Variants in USP32 observed in about 807,000 individuals in gnomAD.
USP32 encodes the protein ubiquitin specific peptidase 32, also known as ubiquitin carboxyl-terminal hydrolase 32.
USP32 carries 59 observed loss-of-function variants against 204.8 expected under a neutral mutation model. That is an observed-to-expected ratio of 0.29 (90% CI 0.23 to 0.36). The LOEUF is 0.36. Ranked by LOEUF, USP32 falls within the 10% of genes least tolerant of loss-of-function variation. The pLI, the probability that USP32 is intolerant of heterozygous loss-of-function variation, is 1.00. For missense variants in USP32, 1,160 were observed against 1,946.4 expected, an observed-to-expected ratio of 0.60 and a Z score of 7.60; for synonymous variants, 517 against 678.4, an observed-to-expected ratio of 0.76 and a Z score of 3.70.
chr17:60,390,603 C>A (rs1345166449), intron 1 of USP32, among the ~76,000 whole-genome samples: 1 of 152,222 alleles, frequency 6.6e-6, no homozygotes, highest in African/African-American at 2.4e-5. Context: ...ACCACCAATA[C>A]ATCTCAATTC....
chr17:60,289,215 A>C (rs1039170072), intron 4 of USP32, among the ~76,000 whole-genome samples: 2 of 152,146 alleles, frequency 1.3e-5, no homozygotes, highest in African/African-American at 4.8e-5. Context: ...TCACCGTGTT[A>C]GCCAGGATGG....
At chr17:60,349,658 T>G (rs1373312757) in intron 1 of USP32, among the ~76,000 whole-genome samples, 1 of 108,986 alleles carries the variant, frequency 9.2e-6, no homozygotes, top group South Asian at 2.4e-4. Context: ...TATATACATA[T>G]ATATACACAT....
intron 1 of USP32, among the ~76,000 whole-genome samples, chr17:60,407,777 G>A (rs1423622268): frequency 5.6e-5 from 5 of 89,256 alleles, no homozygotes; most frequent in South Asian, 8.0e-4. Context: ...GCAAGCCTCT[G>A]TCTCAAAAAA....
chr17:60,207,085 A>C lies in USP32; in HGVS notation c.2973T>G (p.Phe991Leu). ...GGACAGGAATTTCAAATGCACACAAAAATCCACTCACTGAGAGTCGTACTT... is the reference window on the plus strand; with the variant it reads ...GGACAGGAATTTCAAATGCACACAACAATCCACTCACTGAGAGTCGTACTT... Reference protein sequence around the residue: ...NQKVRLSVSGFLCAFEIPVPV... With the variant: ...NQKVRLSVSGLLCAFEIPVPV... The change falls in exon 25 of 34, where the codon TTT becomes TTG. Residue 991 changes from phenylalanine to leucine, a missense_variant. By Grantham distance (22) the Phe-to-Leu change is conservative. This residue lies in a region of USP32 where 47 missense variants were observed against 71.1 expected (regional missense o/e 0.66). Coordinates refer to ENST00000300896, the MANE Select transcript of USP32 (RefSeq NM_032582.4). 6.2e-7 allele frequency: 1 copy of C among 1,613,348 alleles called. No homozygotes were observed.
At chr17:60,192,478 CGGCTGGAGTGCAGT>C (rs1346654296) in intron 28 of USP32, among the ~76,000 whole-genome samples, 2 of 151,880 alleles carry the variant, frequency 1.3e-5, no homozygotes, top group African/African-American at 4.8e-5. Context: ...TCTTGTTGCC[CGGCTGGAGTGCAGT>C]GGCATGACCT....
chr17:60,247,854 T>C (rs1386533140), intron 11 of USP32, among the ~76,000 whole-genome samples: 1 of 152,074 alleles, frequency 6.6e-6, no homozygotes, highest in Non-Finnish European at 1.5e-5. Context: ...TGGATAATTG[T>C]TTTGTATTTT....
intron 2 of USP32, among the ~76,000 whole-genome samples, chr17:60,343,860 C>T (rs1204388165): frequency 2.0e-5 from 3 of 151,964 alleles, no homozygotes; most frequent in African/African-American, 4.8e-5. Flanking sequence ...GGTGAAACCT[C>T]GTCTCTACTA....
At chr17:60,222,360 C>G (rs760753437) in intron 15 of USP32, 49 bp downstream of exon 15, 14 of 1,574,818 alleles carry the variant, frequency 8.9e-6, no homozygotes, top group Non-Finnish European at 1.2e-5. Flanking sequence ...TAACAGAAGA[C>G]CCCCATCTAT....
At chr17:60,188,787 T>A (rs111794547) in intron 29 of USP32, among the ~76,000 whole-genome samples, 135 of 152,358 alleles carry the variant, frequency 8.9e-4, no homozygotes, top group African/African-American at 2.8e-3. Flanking sequence ...ATAATCCCAA[T>A]TTAAACCACG....
At position 60,192,916 on chromosome 17, in the gene USP32, C is replaced by T. The variant is rs765333381; in HGVS notation, c.3449G>A (p.Gly1150Asp). 8 of 1,613,814 alleles carry T rather than the reference C, an allele frequency of 5.0e-6. No individual in the cohort carries two copies. The highest frequency in any genetic ancestry group is 6.8e-6 in the Non-Finnish European group (8 of 1,179,742). ...NHAQDCDDSM[G>D]YQYPFTLRVV... is the part of the protein sequence containing the mutation. ...TCGTAGAGTGAATGGATATTGATAG[C>T]CCATACTGTCGTCACTGAAACAGAA... The change falls in exon 28 of 34, where the codon GGC becomes GAC. Residue 1150 changes from glycine (G) to aspartate (D), a missense_variant. Coordinates refer to ENST00000300896, the MANE Select transcript of USP32 (RefSeq NM_032582.4).
intron 27 of USP32, among the ~76,000 whole-genome samples, chr17:60,197,347 G>A (rs569235915): frequency 3.3e-5 from 5 of 152,344 alleles, no homozygotes; most frequent in African/African-American, 9.6e-5. Flanking sequence ...GCTCACGCCT[G>A]TAATCCCAGC....
At chr17:60,199,114 CAAAAAAAAA>C (rs374479254) in intron 26 of USP32, among the ~76,000 whole-genome samples, 1 of 81,190 alleles carries the variant, frequency 1.2e-5, no homozygotes, top group East Asian at 3.9e-4. Context: ...AGACCTGTCT[CAAAAAAAAA>C]AAGAAATGAA....
chr17:60,374,814 T>G (rs2089508993), intron 1 of USP32, among the ~76,000 whole-genome samples: 1 of 152,240 alleles, frequency 6.6e-6, no homozygotes, highest in African/African-American at 2.4e-5. Flanking sequence ...ATTTTTCAGC[T>G]CTACTATTAT....
chr17:60,386,189 T>A (rs1023765230), intron 1 of USP32, among the ~76,000 whole-genome samples: 25 of 141,524 alleles, frequency 1.8e-4, no homozygotes, highest in African/African-American at 7.5e-4. Context: ...CAGAAAGACA[T>A]TAAACTGCTC....
At chr17:60,385,454 G>C (rs924119956) in intron 1 of USP32, among the ~76,000 whole-genome samples, 1 of 152,236 alleles carries the variant, frequency 6.6e-6, no homozygotes, top group African/African-American at 2.4e-5. Flanking sequence ...TCTGAGGCAA[G>C]AGAATCGCTT....
chr17:60,213,781 A>G (rs1386612644), intron 17 of USP32, 119 bp from the exon 18 acceptor site: 2 of 1,165,010 alleles, frequency 1.7e-6, no homozygotes, highest in East Asian at 2.6e-5. Flanking sequence ...ACATATCACA[A>G]ATATCTGGCC....
intron 30 of USP32, among the ~76,000 whole-genome samples, chr17:60,185,236 C>T (rs2084220997): frequency 6.6e-6 from 1 of 152,208 alleles, no homozygotes; most frequent in Non-Finnish European, 1.5e-5. Context: ...TACTGGTCTA[C>T]ATGATTGATC....
intron 1 of USP32, among the ~76,000 whole-genome samples, chr17:60,352,001 G>A (rs1394666790): frequency 1.3e-5 from 2 of 152,144 alleles, no homozygotes; most frequent in Non-Finnish European, 2.9e-5. Flanking sequence ...GAATAAAGTG[G>A]CATGGATAAT....
In USP32 at chr17:60,297,345, G is replaced by A. The variant is rs138901306; in HGVS notation, c.293-2544C>T. Among the ~76,000 whole-genome samples, 108 of 152,232 alleles carry A rather than the reference G, an allele frequency of 7.1e-4. No individual in the cohort carries two copies. In the Middle Eastern group the frequency reaches 0.037, roughly 53 times the overall value. On this transcript the variant is annotated intron_variant, in intron 3 of 33. Transcript: ENST00000300896. ...GCCCAGGAGTTCAAGGCTGCAGTGA[G>A]CTATCTTGCCACTGTACTGCAGACT...
Sources: gnomAD v4.1 joint callset for allele counts (sites outside exome capture counted in the v4.1 genomes callset) on GRCh38, gnomAD v4.1.1 for gene constraint, gnomAD v4.1.1 regional missense constraint, MANE v1.5 for transcripts, NCBI Gene and HGNC (gene_info 2026-07-23, HGNC 2026-07-21) for gene names.